GPD2: variants seen among roughly 807,000 people sequenced by gnomAD.
GPD2 encodes glycerol-3-phosphate dehydrogenase 2.
GPD2 carries 54 observed loss-of-function variants against 82.4 expected under a neutral mutation model. That is an observed-to-expected ratio of 0.66 (90% CI 0.53 to 0.82). GPD2 has a LOEUF of 0.82. Among genes scored for constraint, GPD2 ranks in the 40% least tolerant of loss-of-function variants. The pLI is 0.00. For missense variants in GPD2, 748 were observed against 896.2 expected, an observed-to-expected ratio of 0.83 and a Z score of 2.11; for synonymous variants, 288 against 306.1, an observed-to-expected ratio of 0.94 and a Z score of 0.62.
intron 8 of GPD2, among the ~76,000 whole-genome samples, chr2:156,556,266 A>G (rs1686958619): frequency 6.6e-6 from 1 of 152,180 alleles, no homozygotes; most frequent in African/African-American, 2.4e-5. Context: ...TTAAAAAATA[A>G]CATTAATAGA....
chr2:156,565,060 T>A (rs1687332816), intron 9 of GPD2, among the ~76,000 whole-genome samples: 1 of 152,138 alleles, frequency 6.6e-6, no homozygotes, highest in South Asian at 2.1e-4. Flanking sequence ...TGTGCTTTTC[T>A]GCCTGTTATA....
chr2:156,451,725 C>T (rs371151984), intron 1 of GPD2, among the ~76,000 whole-genome samples: 38,123 of 140,220 alleles, frequency 0.27, 4,283 homozygotes, highest in East Asian at 0.49. Context: ...CCGGACGGGG[C>T]GGCTGGCCGG....
chr2:156,444,997 G>C (rs1336256695), intron 1 of GPD2, among the ~76,000 whole-genome samples: 1 of 152,146 alleles, frequency 6.6e-6, no homozygotes, highest in Non-Finnish European at 1.5e-5. Context: ...TGATCCTCCT[G>C]CCTTTGCCTC....
chr2:156,410,786 T>C, the GPD2 span, among the ~76,000 whole-genome samples: 2 of 152,206 alleles, frequency 1.3e-5, no homozygotes, highest in African/African-American at 4.8e-5. Context: ...ATGACCACCT[T>C]ATCTAGATTT....
chr2:156,403,114 C>CAAAAAA, the GPD2 span, among the ~76,000 whole-genome samples: 14,739 of 67,892 alleles, frequency 0.22, 2,630 homozygotes, highest in East Asian at 0.29. Context: ...GCCCCTGTCT[C>CAAAAAA]AAAAAAAAAA....
intron 1 of GPD2, among the ~76,000 whole-genome samples, chr2:156,442,496 C>A (rs1323226113): frequency 6.6e-6 from 1 of 152,184 alleles, no homozygotes; most frequent in Non-Finnish European, 1.5e-5. Flanking sequence ...AAGTTGTTTT[C>A]TTTTCATTTT....
chr2:156,457,023 G>T (rs879257161), intron 1 of GPD2, among the ~76,000 whole-genome samples: 17 of 152,006 alleles, frequency 1.1e-4, no homozygotes, highest in Non-Finnish European at 2.1e-4. Flanking sequence ...TGAGATTAGG[G>T]TATCATTCTA....
chr2:156,523,028 C>T (rs898486146), intron 6 of GPD2, among the ~76,000 whole-genome samples: 7 of 152,054 alleles, frequency 4.6e-5, no homozygotes, highest in African/African-American at 1.4e-4. Flanking sequence ...TTTAGACTCT[C>T]CCACTATCAA....
At position 156,557,466 on chromosome 2, in the gene GPD2, C is replaced by A. The variant is rs771535457; in HGVS notation, c.1049C>A (p.Thr350Lys). Reference protein sequence around the residue: ...VIFFLPWQKMTIAGTTDTPTD... With the variant: ...VIFFLPWQKMKIAGTTDTPTD... ...TTCTTCTTACCCTGGCAAAAGATGA[C>A]GATCGCTGGCACTACTGATACTCCA... is the stretch of plus-strand genomic sequence containing the variant. The change falls in exon 9 of 17, where the codon ACG (threonine) becomes AAG (lysine). Residue 350 changes from threonine (T) to lysine (K), a missense_variant. This residue lies in a region of GPD2 where 692 missense variants were observed against 809.7 expected (regional missense o/e 0.85). Coordinates refer to ENST00000438166, the MANE Select transcript of GPD2 (RefSeq NM_000408.5). 2 of 1,605,106 alleles carry A rather than the reference C, an allele frequency of 1.2e-6. No homozygotes were observed. The highest frequency in any genetic ancestry group is 1.7e-6 in the Non-Finnish European group (2 of 1,171,810).
At position 156,569,281 on chromosome 2, in the gene GPD2, T is replaced by G. The variant is rs559258087; in HGVS notation, c.1301-82T>G. On this transcript the variant is annotated intron_variant, in intron 10 of 16. Coordinates refer to ENST00000438166, the MANE Select transcript of GPD2 (RefSeq NM_000408.5). ...TGTTACAAACAACAGGAAAATTTTG[T>G]TATTGGTAAGTTGATAAATGGTTAA... 7.5e-5 allele frequency: 69 copies of G among 923,122 alleles called. No homozygotes were observed. The African/African-American group carries it at 1.1e-3, about 14-fold the overall frequency. 57.2% of individuals were successfully genotyped at this position (923,122 alleles called of 1,614,324 possible). A position where few individuals can be genotyped will look rare whatever the true frequency, so the allele number is the denominator to read the frequency against.
intron 13 of GPD2, among the ~76,000 whole-genome samples, chr2:156,578,612 G>C (rs1291531682): frequency 6.6e-6 from 1 of 152,198 alleles, no homozygotes; most frequent in Non-Finnish European, 1.5e-5. Flanking sequence ...AAGCCAGTCA[G>C]TGTTTGCCTG....
chr2:156,477,391 C>A (rs781318346), intron 2 of GPD2, among the ~76,000 whole-genome samples: 3 of 152,104 alleles, frequency 2.0e-5, no homozygotes, highest in African/African-American at 4.8e-5. Flanking sequence ...GAGATCATGC[C>A]ACTGTACTTC....
chr2:156,520,687 C>G (rs1466057790), intron 6 of GPD2, among the ~76,000 whole-genome samples: 1 of 151,966 alleles, frequency 6.6e-6, no homozygotes, highest in Non-Finnish European at 1.5e-5. Context: ...CGGGCTCAAG[C>G]CATTATCCCA....
At chr2:156,403,396 C>A in the GPD2 span, among the ~76,000 whole-genome samples, 1 of 152,016 alleles carries the variant, frequency 6.6e-6, no homozygotes, top group Non-Finnish European at 1.5e-5. Flanking sequence ...TCTCTCTTAC[C>A]CTTTCTCCTT....
chr2:156,403,975 CAT>C, the GPD2 span, among the ~76,000 whole-genome samples: 1 of 152,236 alleles, frequency 6.6e-6, no homozygotes, highest in South Asian at 2.1e-4. Flanking sequence ...AAGAGACAAA[CAT>C]ATTCCTAATA....
chr2:156,496,439 G>T (rs1487799910), intron 3 of GPD2, among the ~76,000 whole-genome samples: 1 of 151,796 alleles, frequency 6.6e-6, no homozygotes, highest in Non-Finnish European at 1.5e-5. Context: ...ATGTGTCCAT[G>T]TGTTCCCATT....
intron 1 of GPD2, among the ~76,000 whole-genome samples, chr2:156,445,733 GT>G (rs1682347579): frequency 1.3e-5 from 2 of 152,152 alleles, no homozygotes; most frequent in African/African-American, 4.8e-5. Context: ...TCATGAGAGA[GT>G]TATCTTACCT....
intron 2 of GPD2, among the ~76,000 whole-genome samples, chr2:156,477,839 TGTGGCTTCTGCTGAGGCTATTTCAGAA>T (rs1183727065): frequency 2.6e-4 from 39 of 152,186 alleles, no homozygotes; most frequent in African/African-American, 8.7e-4. Context: ...TGTGAAAAGA[TGTGGCTTCTGCTGAGGCTATTTCAGAA>T]GTGCACTTCT....
chr2:156,458,692 T>A (rs1197865575), intron 1 of GPD2, among the ~76,000 whole-genome samples: 1 of 152,226 alleles, frequency 6.6e-6, no homozygotes, highest in Admixed American at 6.5e-5. Flanking sequence ...GGAAAATCAC[T>A]CAAGTAATGG....
Sources: gnomAD v4.1 joint callset for allele counts (sites outside exome capture counted in the v4.1 genomes callset) on GRCh38, gnomAD v4.1.1 for gene constraint, gnomAD v4.1.1 regional missense constraint, MANE v1.5 for transcripts, NCBI Gene and HGNC (gene_info 2026-07-23, HGNC 2026-07-21) for gene names.